ST13: variants seen among roughly 807,000 people sequenced by gnomAD.
ST13 encodes the protein ST13 Hsp70 interacting protein, also known as hsc70-interacting protein.
ST13 carries 23 observed loss-of-function variants against 56.7 expected under a neutral mutation model. The observed-to-expected ratio is 0.41, with a 90% confidence interval of 0.29 to 0.57. The LOEUF (loss-of-function observed/expected upper bound fraction) is 0.57. ST13 is among the 20% of genes least tolerant of loss of function. The probability of loss-of-function intolerance (pLI) is 0.36; values close to 1 mark genes in which losing one functional copy is unlikely to be tolerated. For synonymous variants in ST13, 132 were observed against 142.4 expected (o/e 0.93, Z 0.52); for missense variants, 369 against 459.9 (o/e 0.80, Z 1.81).
chr22:40,838,111 A>T (rs1313905004), intron 5 of ST13, among the ~76,000 whole-genome samples: 1 of 152,190 alleles, frequency 6.6e-6, no homozygotes, highest in Non-Finnish European at 1.5e-5. Flanking sequence ...TCTGCAGACC[A>T]TACAATCTGT....
chr22:40,856,170 G>A (rs750388864), intron 1 of ST13, among the ~76,000 whole-genome samples: 1 of 152,168 alleles, frequency 6.6e-6, no homozygotes, highest in Non-Finnish European at 1.5e-5. Flanking sequence ...CGCATCCGCA[G>A]TCCTGTTTTT....
In ST13 at chr22:40,856,511, C is replaced by T. The variant is rs774144268; in HGVS notation, c.30G>A (p.Arg10=). The change falls in exon 1 of 12, where the codon CGG becomes CGA. Residue 10 remains arginine, a synonymous_variant. Coordinates refer to ENST00000216218, the MANE Select transcript of ST13 (RefSeq NM_003932.5). MDPRKVNEL[R]AFVKMCKQDP... ...CCTGCTTACACATTTTCACAAAGGC[C>T]CGAAGCTCGTTCACTTTGCGGGGGT... 9 of 1,612,964 alleles carry T rather than the reference C, an allele frequency of 5.6e-6. No homozygotes were observed. In the African/African-American group the frequency reaches 1.2e-4, roughly 22 times the overall value.
rs985347785 is a variant in ST13, at chr22:40,837,246, T to C, written c.383-1359A>G. 2.0e-5 allele frequency among the ~76,000 whole-genome samples: 3 copies of C among 152,370 alleles called. No individual in the cohort carries two copies. In the East Asian group the frequency reaches 5.8e-4, roughly 29 times the overall value. ...GTCTTATTAATTACTACTACAGGTA[T>C]CTATTATAGGTAATTACACTTAAAT... is the stretch of plus-strand genomic sequence containing the variant. On this transcript the variant is annotated intron_variant, in intron 5 of 11. Transcript: ENST00000216218.
intron 10 of ST13, among the ~76,000 whole-genome samples, chr22:40,827,662 AT>A (rs1685270280): frequency 6.6e-6 from 1 of 151,378 alleles, no homozygotes; most frequent in Admixed American, 6.6e-5. Context: ...TTATAAATAT[AT>A]TTTTTATTTT....
In ST13 at chr22:40,835,826, G is replaced by A. The variant is rs367753905; in HGVS notation, c.444C>T (p.Ala148=). 35 of 1,613,584 alleles carry A rather than the reference G, an allele frequency of 2.2e-5. No homozygotes were observed. The highest frequency in any genetic ancestry group is 2.7e-5 in the Non-Finnish European group (32 of 1,179,908). Residue 148 remains alanine (A), a synonymous_variant, in exon 6 of 12, where the codon GCC becomes GCT. Coordinates refer to ENST00000216218, the MANE Select transcript of ST13 (RefSeq NM_003932.5). ...ACCTGGCCCTCTTGGCATACAAAAT[G>A]GCCAAGCGAGGATTCAGCTTGATGG... ...TDAIKLNPRL[A]ILYAKRASVF... is the part of the protein sequence containing the mutation.
chr22:40,834,020 T>G (rs2057766144), intron 7 of ST13, among the ~76,000 whole-genome samples: 1 of 152,180 alleles, frequency 6.6e-6, no homozygotes, highest in Non-Finnish European at 1.5e-5. Flanking sequence ...GTCACACCTG[T>G]AATCCCAATG....
chr22:40,834,716 C>T (rs2057769541), intron 7 of ST13, among the ~76,000 whole-genome samples: 1 of 152,168 alleles, frequency 6.6e-6, no homozygotes, highest in African/African-American at 2.4e-5. Flanking sequence ...ACAAGATGAG[C>T]CAACGCTGTC....
In ST13 at chr22:40,829,998, T is replaced by C. The variant is rs371728842; in HGVS notation, c.799-324A>G. On this transcript the variant is annotated intron_variant, in intron 9 of 11. Transcript: ENST00000216218. ...CCCATAGGGAAGGACATGGCTAGAT[T>C]ACCAAGACTACCATGACTTTTGTTT... Among the ~76,000 whole-genome samples the C allele has an allele frequency of 5.9e-5, 9 of 152,332 alleles. No homozygotes were observed. The South Asian group carries it at 1.9e-3, about 32-fold the overall frequency.
intron 3 of ST13, among the ~76,000 whole-genome samples, chr22:40,845,794 G>A (rs2057828129): frequency 6.6e-6 from 1 of 151,214 alleles, no homozygotes; most frequent in African/African-American, 2.4e-5. Flanking sequence ...TTGATAAGAA[G>A]TTTCCTTAGT....
chr22:40,831,695 C>G (rs2057754703), intron 8 of ST13, among the ~76,000 whole-genome samples: 1 of 152,138 alleles, frequency 6.6e-6, no homozygotes, highest in African/African-American at 2.4e-5. Flanking sequence ...CTTAAAATCT[C>G]TGAGAGTAAA....
chr22:40,852,132 A>T (rs1162173856), intron 1 of ST13, among the ~76,000 whole-genome samples: 2 of 152,234 alleles, frequency 1.3e-5, no homozygotes, highest in African/African-American at 4.8e-5. Flanking sequence ...TGCAGGCTGA[A>T]TTTAAATGGG....
chr22:40,830,968 A>T lies in ST13; in HGVS notation c.682-12T>A. Reference sequence around the variant, plus strand: ...GCAATTTTCTGTGCCTAGAAAAAAGAGCCATAGCAAAATAAGCTTGCTCCA... The same window carrying T: ...GCAATTTTCTGTGCCTAGAAAAAAGTGCCATAGCAAAATAAGCTTGCTCCA... On this transcript the variant is annotated splice_polypyrimidine_tract_variant and intron_variant, in intron 8 of 11. Transcript: ENST00000216218. 6.4e-7 allele frequency: 1 copy of T among 1,567,302 alleles called. No homozygotes were observed. Among genetic ancestry groups the T allele is most frequent in the East Asian group, 2.2e-5 (1 of 44,670 alleles).
chr22:40,829,987 C>T (rs2057746681), intron 9 of ST13, among the ~76,000 whole-genome samples: 1 of 152,182 alleles, frequency 6.6e-6, no homozygotes, highest in South Asian at 2.1e-4. Context: ...TAGGGAAGGA[C>T]ATGGCTAGAT....
intron 9 of ST13, among the ~76,000 whole-genome samples, 171 bp downstream of exon 9, chr22:40,830,668 AT>A (rs958667803): frequency 1.1e-4 from 16 of 152,334 alleles, no homozygotes; most frequent in Middle Eastern, 3.4e-3. Flanking sequence ...AAGACTAAAA[AT>A]GTCCCCCAAA....
At chr22:40,848,156 G>A in intron 3 of ST13, 138 bp downstream of exon 3, 1 of 584,926 alleles carries the variant, frequency 1.7e-6, no homozygotes, top group Non-Finnish European at 3.1e-6. Context: ...TTTCTAAAAT[G>A]TGACTACTAG....
chr22:40,832,316 T>G (rs1568999350), intron 8 of ST13: 2 of 508,902 alleles, frequency 3.9e-6, no homozygotes, highest in Non-Finnish European at 7.4e-6. Flanking sequence ...CCTTTTCTAA[T>G]TTTCTGGTTA....
At chr22:40,850,481 A>G (rs1316828545) in intron 2 of ST13, among the ~76,000 whole-genome samples, 1 of 151,236 alleles carries the variant, frequency 6.6e-6, no homozygotes, top group East Asian at 1.9e-4. Flanking sequence ...TCTGCAAATA[A>G]TAAATAAAGT....
Position 40,835,912 on chromosome 22 carries a change from G to A in ST13, c.383-25C>T, listed in dbSNP as rs377562356. On this transcript the variant is annotated intron_variant, in intron 5 of 11. Transcript: ENST00000216218. Reference sequence around the variant, plus strand: ...CCTAAAGTGAAACAAAAGTTATCGAGAAATATTCAGAGGATAAAAATATTA... The same window carrying A: ...CCTAAAGTGAAACAAAAGTTATCGAAAAATATTCAGAGGATAAAAATATTA... 3.4e-5 allele frequency: 52 copies of A among 1,524,978 alleles called. 1 individual carries two copies. Among genetic ancestry groups the A allele is most frequent in the East Asian group, 2.5e-4 (11 of 44,452 alleles). 94.5% of individuals were successfully genotyped at this position (1,524,978 alleles called of 1,614,324 possible). A position where few individuals can be genotyped will look rare whatever the true frequency, so the allele number is the denominator to read the frequency against.
rs370914510 is a variant in ST13 at position 40,838,006 on chromosome 22, GT to G, written c.383-2120del. On this transcript the variant is annotated intron_variant, in intron 5 of 11. Transcript: ENST00000216218. ...CCATTTCCAAATCTATTCCCAATCT[GT>G]ATCTTCCCAACTAAACAAATGGCTC... 4.1e-3 allele frequency among the ~76,000 whole-genome samples: 622 copies of G among 152,248 alleles called. 3 individuals carry two copies. The highest frequency in any genetic ancestry group is 0.014 in the African/African-American group (580 of 41,544).
Sources: allele counts gnomAD v4.1 joint callset (sites outside exome capture counted in the v4.1 genomes callset), GRCh38; gene constraint gnomAD v4.1.1; transcripts MANE v1.5; gene names NCBI Gene and HGNC (gene_info 2026-07-23, HGNC 2026-07-21).